The following TTC23L variants were observed in gnomAD, a reference collection of about 807,000 sequenced individuals.
TTC23L encodes the protein tetratricopeptide repeat protein 23-like.
In TTC23L, 42 loss-of-function variants were observed where a neutral mutation model predicts 48.1. The observed-to-expected ratio is 0.87, with a 90% confidence interval of 0.68 to 1.13. TTC23L has a LOEUF of 1.13. TTC23L is among the 50% of genes most tolerant of loss of function. The pLI is 0.00. For missense variants in TTC23L, 391 were observed against 421.0 expected, an observed-to-expected ratio of 0.93 and a Z score of 0.62; for synonymous variants, 159 against 157.2, an observed-to-expected ratio of 1.01 and a Z score of -0.09.
chr5:34,867,053 T>A, exon 7 of TTC23L: 2 of 1,611,022 alleles, frequency 1.2e-6, no homozygotes, highest in Non-Finnish European at 1.7e-6. Flanking sequence ...AACCAGGCCA[T>A]CCAGTACTTG....
At position 34,865,331 on chromosome 5, in the gene TTC23L, C is replaced by T. The variant is rs543314375; in HGVS notation, c.662+769C>T. On this transcript the variant is annotated intron_variant, in intron 6 of 10. Coordinates refer to ENST00000505624, the Ensembl canonical transcript of TTC23L. ...AAATGAAATACATGCGTCATGTCTGCGTCCTCTAAACAACCATGAATCTAG... is the reference window on the plus strand; with the variant it reads ...AAATGAAATACATGCGTCATGTCTGTGTCCTCTAAACAACCATGAATCTAG... 3.3e-5 allele frequency among the ~76,000 whole-genome samples: 5 copies of T among 152,264 alleles called. No individual in the cohort carries two copies. The East Asian group carries it at 7.7e-4, about 24-fold the overall frequency.
chr5:34,892,983 A>G (rs1762970608), intron 9 of TTC23L, among the ~76,000 whole-genome samples: 1 of 152,204 alleles, frequency 6.6e-6, no homozygotes, highest in African/African-American at 2.4e-5. Flanking sequence ...TAGCTTTAAA[A>G]CATTAACTCT....
intron 9 of TTC23L, chr5:34,888,483 G>A: frequency 1.0e-6 from 1 of 985,316 alleles, no homozygotes. Flanking sequence ...TTTGTATATG[G>A]AGGTGAACAC....
At chr5:34,909,356 C>T in the TTC23L span, 2 of 1,582,708 alleles carry the variant, frequency 1.3e-6, no homozygotes, top group Non-Finnish European at 1.7e-6. Context: ...AAGTAGATAA[C>T]CTATAGAAAA....
the TTC23L span, chr5:34,913,958 G>A: frequency 1.5e-5 from 7 of 457,302 alleles, no homozygotes; most frequent in African/African-American, 6.0e-5. Flanking sequence ...GAGCTCAAGC[G>A]ATCTTCGTGC....
intron 8 of TTC23L, among the ~76,000 whole-genome samples, chr5:34,877,258 C>T (rs1293865524): frequency 2.6e-5 from 4 of 151,842 alleles, no homozygotes; most frequent in African/African-American, 9.7e-5. Context: ...GAGAATCCAA[C>T]ACTCATTTAT....
intron 8 of TTC23L, among the ~76,000 whole-genome samples, chr5:34,874,535 G>A (rs1761690071): frequency 6.6e-6 from 1 of 151,998 alleles, no homozygotes; most frequent in African/African-American, 2.4e-5. Context: ...GCTAAAAAGA[G>A]AAACTGGAAT....
chr5:34,860,054 A>G (rs935228506), intron 4 of TTC23L, among the ~76,000 whole-genome samples: 2 of 151,818 alleles, frequency 1.3e-5, no homozygotes, highest in Admixed American at 1.3e-4. Context: ...TCACTGTGTT[A>G]GCCAGGATGG....
the TTC23L span, chr5:34,914,701 A>G: frequency 6.2e-7 from 1 of 1,614,206 alleles, no homozygotes. Context: ...ATACCTGAAT[A>G]AAAGCATTTG....
intron 4 of TTC23L, among the ~76,000 whole-genome samples, chr5:34,851,574 A>G (rs1759676956): frequency 6.6e-6 from 1 of 152,210 alleles, no homozygotes; most frequent in Non-Finnish European, 1.5e-5. Context: ...GTGTTCTGAA[A>G]GAAGGTGCTA....
At chr5:34,921,905 CGCA>C in the TTC23L span, 19 of 129,470 alleles carry the variant, frequency 1.5e-4, no homozygotes, top group South Asian at 2.6e-4. Flanking sequence ...GAAACTGCAT[CGCA>C]AAAAAAAAAA....
intron 2 of TTC23L, among the ~76,000 whole-genome samples, chr5:34,841,747 G>A (rs146056134): frequency 0.02 from 3,047 of 152,222 alleles, 92 homozygotes; most frequent in African/African-American, 0.068. Flanking sequence ...GAACTCCTGG[G>A]CTCAAGTGAT....
chr5:34,849,135 C>T (rs1223208929), intron 3 of TTC23L, among the ~76,000 whole-genome samples: 1 of 152,044 alleles, frequency 6.6e-6, no homozygotes, highest in South Asian at 2.1e-4. Flanking sequence ...GAGAAATTCT[C>T]CTTACAGAAT....
rs1394267924 is a variant in TTC23L at position 34,880,326 on chromosome 5, A to C, written c.1077+18A>C. ...AAAAACAGGTAAATATGATCAATGCATAAACAGAATTGCTAGTTTGTTTAT... is the reference window on the plus strand; with the variant it reads ...AAAAACAGGTAAATATGATCAATGCCTAAACAGAATTGCTAGTTTGTTTAT... On this transcript the variant is annotated intron_variant, in intron 9 of 10. Coordinates refer to ENST00000505624, the Ensembl canonical transcript of TTC23L. The C allele has an allele frequency of 6.3e-7, 1 of 1,593,366 alleles. No homozygotes were observed. Among genetic ancestry groups the C allele is most frequent in the Non-Finnish European group, 8.5e-7 (1 of 1,172,060 alleles).
the TTC23L span, chr5:34,922,560 A>T: frequency 7.5e-6 from 12 of 1,609,542 alleles, no homozygotes; most frequent in Non-Finnish European, 9.4e-6. Context: ...CACCTCACGG[A>T]CCATCTGCTA....
At chr5:34,909,178 G>C in the TTC23L span, 30 of 1,135,056 alleles carry the variant, frequency 2.6e-5, no homozygotes, top group African/African-American at 1.6e-4. Flanking sequence ...TTAACAGATT[G>C]AAAGTGTTTT....
exon 8 of TTC23L, chr5:34,868,940 C>A: frequency 6.2e-7 from 1 of 1,611,120 alleles, no homozygotes; most frequent in South Asian, 1.1e-5. Flanking sequence ...TCACTGAAGT[C>A]AGCCCCAAAA....
chr5:34,846,667 ATGTG>A lies in TTC23L; in HGVS notation c.255+1032_255+1035del, dbSNP rs869123650. Among the ~76,000 whole-genome samples, 420 of 66,314 alleles carry A rather than the reference ATGTG, an allele frequency of 6.3e-3. 3 individuals are homozygous for A. The highest frequency in any genetic ancestry group is 0.012 in the Admixed American group (66 of 5,670). 43.5% of individuals were successfully genotyped at this position (66,314 alleles called of 152,430 possible). A position where few individuals can be genotyped will look rare whatever the true frequency, so the allele number is the denominator to read the frequency against. On this transcript the variant is annotated intron_variant, in intron 3 of 10. Coordinates refer to ENST00000505624, the Ensembl canonical transcript of TTC23L. ...TATATACAAATACATATATGTGTGT[ATGTG>A]TGTGTGTGTGTGTGTGTGTGTGTGT...
chr5:34,881,632 A>G (rs1033327548), intron 9 of TTC23L, among the ~76,000 whole-genome samples: 3 of 152,196 alleles, frequency 2.0e-5, no homozygotes, highest in Non-Finnish European at 4.4e-5. Context: ...TTTTTATATC[A>G]TATCTAAACA....
Sources: gnomAD v4.1 joint callset for allele counts (sites outside exome capture counted in the v4.1 genomes callset) on GRCh38, gnomAD v4.1.1 for gene constraint, MANE v1.5 for transcripts, NCBI Gene and HGNC (gene_info 2026-07-23, HGNC 2026-07-21) for gene names.